Variants in HGSNAT observed in about 807,000 individuals in gnomAD.
HGSNAT encodes the protein transmembrane protein 76.
Under a neutral mutation model 85.2 loss-of-function variants are expected in HGSNAT, and 59 were observed. The observed-to-expected ratio is 0.69, with a 90% confidence interval of 0.56 to 0.86. The LOEUF is 0.86. Ranked by LOEUF, HGSNAT falls within the 40% of genes least tolerant of loss-of-function variation. HGSNAT has a pLI of 0.00. For synonymous variants in HGSNAT, 321 were observed against 304.5 expected, an observed-to-expected ratio of 1.05 and a Z score of -0.56; for missense variants, 756 against 777.1, an observed-to-expected ratio of 0.97 and a Z score of 0.32.
intron 5 of HGSNAT, among the ~76,000 whole-genome samples, chr8:43,162,921 C>T (rs1383419645): frequency 6.6e-6 from 1 of 152,014 alleles, no homozygotes; most frequent in Non-Finnish European, 1.5e-5. Context: ...TACGGTGGCT[C>T]ACGCCTCTAA....
intron 5 of HGSNAT, among the ~76,000 whole-genome samples, chr8:43,165,437 T>C (rs1803403538): frequency 6.6e-6 from 1 of 152,204 alleles, no homozygotes; most frequent in African/African-American, 2.4e-5. Flanking sequence ...TTAATTATCC[T>C]ACAGTGGCTT....
chr8:43,197,552 T>TA (rs1489049067), intron 15 of HGSNAT, 120 bp from the exon 16 acceptor site: 5 of 730,046 alleles, frequency 6.8e-6, no homozygotes, highest in Non-Finnish European at 9.4e-6. Context: ...GAGAAAAATA[T>TA]AAGGCACAAG....
intron 11 of HGSNAT, among the ~76,000 whole-genome samples, chr8:43,189,357 G>A (rs1367709966): frequency 1.3e-5 from 2 of 152,074 alleles, no homozygotes; most frequent in Non-Finnish European, 1.5e-5. Flanking sequence ...CCCCAGCCTC[G>A]CTGCCACCTT....
At chr8:43,161,916 C>T (rs1803279859) in intron 5 of HGSNAT, among the ~76,000 whole-genome samples, 1 of 152,240 alleles carries the variant, frequency 6.6e-6, no homozygotes, top group African/African-American at 2.4e-5. Flanking sequence ...CAACCTCTGC[C>T]AGCCCAGGCA....
intron 15 of HGSNAT, 30 bp downstream of exon 15, chr8:43,197,055 C>T (rs756045183): frequency 6.9e-7 from 1 of 1,454,060 alleles, no homozygotes; most frequent in Admixed American, 1.7e-5. Flanking sequence ...CGCTAAAATT[C>T]CTTTCCTTCA....
chr8:43,169,228 C>T lies in HGSNAT; in HGVS notation c.619C>T (p.Arg207Cys), dbSNP rs199861011. Residue 207 changes from arginine to cysteine, a missense_variant, in exon 6 of 18, where the codon CGC becomes TGC. By Grantham distance (180) the Arg-to-Cys change is radical (BLOSUM62 -3). Transcript: ENST00000379644. ...AGCCATAAGTTCTCGAGAAACTGATCGCCTCATCAATTCTGTAAGTTATGA... is the reference window on the plus strand; with the variant it reads ...AGCCATAAGTTCTCGAGAAACTGATTGCCTCATCAATTCTGTAAGTTATGA... Reference protein sequence around the residue: ...SKAISSRETDRLINSELGSPS... With the variant: ...SKAISSRETDCLINSELGSPS... 24 of 1,581,620 alleles carry T rather than the reference C, an allele frequency of 1.5e-5. No individual in the cohort carries two copies. Among genetic ancestry groups the T allele is most frequent in the Admixed American group, 1.2e-4 (7 of 56,544 alleles).
chr8:43,170,466 C>T lies in HGSNAT; in HGVS notation c.634-119C>T, dbSNP rs553697332. 3.4e-5 allele frequency: 31 copies of T among 903,688 alleles called. No individual in the cohort carries two copies. In the African/African-American group the frequency reaches 3.8e-4, roughly 11 times the overall value. The allele number at this position is 903,688 out of a possible 1,614,324, so 56.0% of individuals were successfully genotyped here. ...TTGCACTCCAGGCTGGGCCACAGAG[C>T]GAGACTCTGTCTCAAAAAACAAAAC... On this transcript the variant is annotated intron_variant, in intron 6 of 17. Coordinates refer to ENST00000379644, the MANE Select transcript of HGSNAT (RefSeq NM_152419.3).
At chr8:43,142,275 G>A (rs1802576400) in intron 1 of HGSNAT, among the ~76,000 whole-genome samples, 1 of 152,026 alleles carries the variant, frequency 6.6e-6, no homozygotes, top group African/African-American at 2.4e-5. Flanking sequence ...GGAGAGAGAA[G>A]GAAATAATTG....
At chr8:43,196,559 T>G (rs770995468) in intron 14 of HGSNAT, 13 of 1,263,528 alleles carry the variant, frequency 1.0e-5, no homozygotes, top group Non-Finnish European at 1.3e-5. Context: ...TCTCCTCCTT[T>G]CCCCATGACC....
rs182636573 is a variant in HGSNAT, at chr8:43,189,207, A to G, written c.1129-2267A>G. Among the ~76,000 whole-genome samples the G allele has an allele frequency of 4.4e-3, 666 of 152,296 alleles. 8 individuals carry two copies. Among genetic ancestry groups the G allele is most frequent in the African/African-American group, 0.015 (637 of 41,558 alleles). ...TTTGCAGAAGTTTCTGCTGCCTTTT[A>G]TTCAGCTATGCCCTGCCCCCAGAGG... On this transcript the variant is annotated intron_variant, in intron 11 of 17. Transcript: ENST00000379644.
chr8:43,140,550 G>A lies in HGSNAT; in HGVS notation c.54G>A (p.Leu18=). The A allele has an allele frequency of 8.5e-7, 1 of 1,182,966 alleles. No homozygotes were observed. Among genetic ancestry groups the A allele is most frequent in the Non-Finnish European group, 1.0e-6 (1 of 955,856 alleles). 73.3% of individuals were successfully genotyped at this position (1,182,966 alleles called of 1,614,324 possible). A position where few individuals can be genotyped will look rare whatever the true frequency, so the allele number is the denominator to read the frequency against. The change falls in exon 1 of 18, where the codon CTG becomes CTA. Residue 18 remains leucine (L), a synonymous_variant. Transcript: ENST00000379644. ...LAALLLAASV[L]SAALLAPGGS... is the part of the protein sequence containing the mutation. ...CGCTGCTGCTGGCCGCGTCCGTGCT[G>A]AGCGCCGCGCTGCTGGCCCCCGGCG...
intron 4 of HGSNAT, among the ~76,000 whole-genome samples, chr8:43,160,052 TA>T (rs1344492691): frequency 6.6e-6 from 1 of 152,176 alleles, no homozygotes; most frequent in Non-Finnish European, 1.5e-5. Flanking sequence ...AATGAATGTA[TA>T]AAAACCATGA....
chr8:43,180,660 C>T (rs1804050612), intron 10 of HGSNAT: 1 of 242,518 alleles, frequency 4.1e-6, no homozygotes, highest in Non-Finnish European at 8.3e-6. Context: ...GATGGGTGGC[C>T]AAGCAGAGAC....
chr8:43,170,792 CTT>C (rs981405321), intron 7 of HGSNAT, 98 bp downstream of exon 7: 29 of 710,934 alleles, frequency 4.1e-5, no homozygotes, highest in East Asian at 3.7e-4. Context: ...TTTTACATAT[CTT>C]TTACTTTCTA....
chr8:43,148,847 G>A (rs1234304433), intron 2 of HGSNAT, among the ~76,000 whole-genome samples: 2 of 151,272 alleles, frequency 1.3e-5, no homozygotes, highest in African/African-American at 2.4e-5. Context: ...GGCCGTGCAC[G>A]GTGGCTCACT....
At chr8:43,171,486 T>C (rs1803624515) in intron 7 of HGSNAT, among the ~76,000 whole-genome samples, 1 of 152,148 alleles carries the variant, frequency 6.6e-6, no homozygotes, top group Non-Finnish European at 1.5e-5. Flanking sequence ...TGATTCACAT[T>C]AAAAGTAAAA....
chr8:43,151,941 G>A (rs568318541), intron 2 of HGSNAT, among the ~76,000 whole-genome samples: 1 of 152,160 alleles, frequency 6.6e-6, no homozygotes, highest in Non-Finnish European at 1.5e-5. Context: ...AGGTGGCAAA[G>A]CTACAATTCA....
At chr8:43,175,489 C>T (rs936220036) in intron 9 of HGSNAT, among the ~76,000 whole-genome samples, 5 of 150,814 alleles carry the variant, frequency 3.3e-5, no homozygotes, top group Non-Finnish European at 5.9e-5. Flanking sequence ...TGTTGAGCAC[C>T]GTTTCATATT....
chr8:43,149,262 A>T (rs1429096511), intron 2 of HGSNAT, among the ~76,000 whole-genome samples: 1 of 152,158 alleles, frequency 6.6e-6, no homozygotes, highest in Non-Finnish European at 1.5e-5. Flanking sequence ...GTTTGTATTT[A>T]ATCATAGTGG....
Sources: allele counts gnomAD v4.1 joint callset (sites outside exome capture counted in the v4.1 genomes callset), GRCh38; gene constraint gnomAD v4.1.1; transcripts MANE v1.5; gene names NCBI Gene and HGNC (gene_info 2026-07-23, HGNC 2026-07-21).